IKZF3: variants seen among roughly 807,000 people sequenced by gnomAD.
IKZF3 encodes the protein zinc finger protein Aiolos.
A neutral mutation model predicts 49.0 loss-of-function variants in IKZF3; 10 were observed. That is an observed-to-expected ratio of 0.20 (90% CI 0.13 to 0.35). The LOEUF (loss-of-function observed/expected upper bound fraction) is 0.35, where lower values mean the gene tolerates loss of function less well. Ranked by LOEUF, IKZF3 falls within the 10% of genes least tolerant of loss-of-function variation. The pLI, the probability that IKZF3 is intolerant of heterozygous loss-of-function variation, is 1.00. For missense variants in IKZF3, 498 were observed against 664.8 expected (o/e 0.75, Z 2.76); for synonymous variants, 209 against 228.2 (o/e 0.92, Z 0.76).
In IKZF3 at chr17:39,761,465, C is replaced by T. The variant is rs887525621; in HGVS notation, c.*4325G>A. The T allele has an allele frequency of 2.0e-5, 3 of 151,900 alleles. No homozygotes were observed. The highest frequency in any genetic ancestry group is 4.4e-5 in the Non-Finnish European group (3 of 68,000). 9.4% of individuals were successfully genotyped at this position (151,900 alleles called of 1,614,324 possible). A position where few individuals can be genotyped will look rare whatever the true frequency, so the allele number is the denominator to read the frequency against. ...GCATTGTTTGTGCATGCCTGTAATCCCAGCTACTTGGGAGGCTGAGGCAGG... is the reference window on the plus strand; with the variant it reads ...GCATTGTTTGTGCATGCCTGTAATCTCAGCTACTTGGGAGGCTGAGGCAGG... On this transcript the variant is annotated 3_prime_UTR_variant, in exon 8 of 8. Transcript: ENST00000346872.
chr17:39,842,589 A>G (rs903949991), intron 1 of IKZF3, among the ~76,000 whole-genome samples: 14 of 152,344 alleles, frequency 9.2e-5, no homozygotes, highest in Non-Finnish European at 1.9e-4. Context: ...AAATAATAAT[A>G]GTATTAGACT....
chr17:39,823,008 T>G (rs1220177096), intron 3 of IKZF3, among the ~76,000 whole-genome samples: 1 of 151,396 alleles, frequency 6.6e-6, no homozygotes, highest in Non-Finnish European at 1.5e-5. Context: ...AAGACAGAGG[T>G]TGGAACAGTT....
intron 7 of IKZF3, among the ~76,000 whole-genome samples, chr17:39,776,127 C>T (rs959627577): frequency 3.3e-5 from 5 of 151,986 alleles, no homozygotes; most frequent in Non-Finnish European, 5.9e-5. Context: ...GGTGCGTGCC[C>T]ATAGTTCCAG....
intron 3 of IKZF3, among the ~76,000 whole-genome samples, chr17:39,807,401 CTTTTTT>C (rs1257023793): frequency 7.3e-6 from 1 of 136,210 alleles, no homozygotes. Context: ...CAATGATATT[CTTTTTT>C]TTTTTTTTTT....
chr17:39,769,861 C>A (rs1459201552), intron 7 of IKZF3, among the ~76,000 whole-genome samples: 1 of 152,152 alleles, frequency 6.6e-6, no homozygotes, highest in Non-Finnish European at 1.5e-5. Context: ...CAATCTATAC[C>A]ACCTGCAGCA....
At chr17:39,853,394 T>C (rs2062939729) in intron 1 of IKZF3, among the ~76,000 whole-genome samples, 2 of 152,214 alleles carry the variant, frequency 1.3e-5, no homozygotes, top group African/African-American at 4.8e-5. Flanking sequence ...AACTATCTTT[T>C]AAAATCTTTT....
chr17:39,812,107 A>C (rs1342490940), intron 3 of IKZF3, among the ~76,000 whole-genome samples: 1 of 152,226 alleles, frequency 6.6e-6, no homozygotes, highest in African/African-American at 2.4e-5. Flanking sequence ...ACAGTATATT[A>C]AAAACAAAAC....
intron 6 of IKZF3, among the ~76,000 whole-genome samples, chr17:39,781,293 C>A (rs1265390077): frequency 6.6e-6 from 1 of 152,154 alleles, no homozygotes; most frequent in Non-Finnish European, 1.5e-5. Context: ...GTTCCTGGGG[C>A]TGTTAGGAGA....
intron 6 of IKZF3, among the ~76,000 whole-genome samples, chr17:39,783,962 T>A (rs1336286047): frequency 6.6e-6 from 1 of 151,844 alleles, no homozygotes; most frequent in African/African-American, 2.4e-5. Flanking sequence ...CAAAAAAAAA[T>A]AGGTTGGGAA....
chr17:39,804,765 T>C (rs1176975526), intron 3 of IKZF3, among the ~76,000 whole-genome samples: 1 of 152,212 alleles, frequency 6.6e-6, no homozygotes, highest in Admixed American at 6.5e-5. Flanking sequence ...TCTCTTTCCT[T>C]GGCTTATTCT....
chr17:39,784,585 G>T (rs1017382360), intron 6 of IKZF3, among the ~76,000 whole-genome samples: 1 of 152,122 alleles, frequency 6.6e-6, no homozygotes. Flanking sequence ...TGTATTTTTA[G>T]TAGAGACGGG....
intron 3 of IKZF3, among the ~76,000 whole-genome samples, chr17:39,801,771 T>C (rs2061323744): frequency 6.6e-6 from 1 of 152,356 alleles, no homozygotes; most frequent in South Asian, 2.1e-4. Context: ...AGTAAAATTA[T>C]AAAGCTTCAA....
At chr17:39,772,280 G>A (rs935769618) in intron 7 of IKZF3, among the ~76,000 whole-genome samples, 1 of 151,762 alleles carries the variant, frequency 6.6e-6, no homozygotes, top group African/African-American at 2.4e-5. Context: ...TGAAGAGGGG[G>A]GCAAAATGAT....
intron 7 of IKZF3, among the ~76,000 whole-genome samples, chr17:39,772,848 CAG>C (rs1567962636): frequency 6.6e-6 from 1 of 152,066 alleles, no homozygotes; most frequent in Non-Finnish European, 1.5e-5. Context: ...GTTTTTGAAA[CAG>C]AGTCTTGCTC....
At chr17:39,784,959 C>T (rs1275271134) in intron 6 of IKZF3, among the ~76,000 whole-genome samples, 2 of 152,148 alleles carry the variant, frequency 1.3e-5, no homozygotes, top group African/African-American at 2.4e-5. Context: ...AGGCTTGGCT[C>T]TCACACTACG....
In IKZF3 at chr17:39,860,868, C is replaced by T. The variant is rs371315738; in HGVS notation, c.7+3252G>A. 1.6e-4 allele frequency among the ~76,000 whole-genome samples: 24 copies of T among 152,302 alleles called. No individual in the cohort carries two copies. In the South Asian group the frequency reaches 4.6e-3, roughly 29 times the overall value. ...AAACCTGCACATGTACCCCCTAAAT[C>T]TAATTTTGTTAAAATTGGCTTTAAG... On this transcript the variant is annotated intron_variant, in intron 1 of 7. Transcript: ENST00000346872.
rs564143224 is a variant in IKZF3, at chr17:39,850,497, T to C, written c.7+13623A>G. ...CATATAATATATAGCATATTATACATGTACATATAATATATAGCATATTAT... is the reference window on the plus strand; with the variant it reads ...CATATAATATATAGCATATTATACACGTACATATAATATATAGCATATTAT... On this transcript the variant is annotated intron_variant, in intron 1 of 7. Transcript: ENST00000346872. 1.7e-3 allele frequency among the ~76,000 whole-genome samples: 197 copies of C among 113,594 alleles called. 4 individuals carry two copies. Among genetic ancestry groups the C allele is most frequent in the Middle Eastern group, 0.013 (1 of 76 alleles). The allele number at this position is 113,594 out of a possible 152,430, so 74.5% of individuals were successfully genotyped here.
chr17:39,800,880 G>A (rs12952222), intron 3 of IKZF3, among the ~76,000 whole-genome samples: 2,809 of 152,296 alleles, frequency 0.018, 91 homozygotes, highest in African/African-American at 0.065. Flanking sequence ...TCAGCCAACT[G>A]TGCCTCAGTT....
chr17:39,809,182 G>T (rs965366100), intron 3 of IKZF3, among the ~76,000 whole-genome samples: 5 of 152,150 alleles, frequency 3.3e-5, no homozygotes, highest in African/African-American at 1.2e-4. Flanking sequence ...TAAGGGTAAG[G>T]TCACAAATTA....
Sources: gnomAD v4.1 joint callset for allele counts (sites outside exome capture counted in the v4.1 genomes callset) on GRCh38, gnomAD v4.1.1 for gene constraint, MANE v1.5 for transcripts, NCBI Gene and HGNC (gene_info 2026-07-23, HGNC 2026-07-21) for gene names.